PCCA: variants seen among roughly 807,000 people sequenced by gnomAD.
PCCA encodes propionyl-CoA carboxylase subunit alpha.
PCCA carries 74 observed loss-of-function variants against 101.3 expected under a neutral mutation model. The ratio of observed to expected loss-of-function variants is 0.73; its 90% CI spans 0.61 to 0.89. The LOEUF (loss-of-function observed/expected upper bound fraction) is 0.89, where lower values mean the gene tolerates loss of function less well. Ranked by LOEUF, PCCA falls within the 40% of genes least tolerant of loss-of-function variation. The probability of loss-of-function intolerance (pLI) is 0.00; values close to 1 mark genes in which losing one functional copy is unlikely to be tolerated. For missense variants in PCCA, 891 were observed against 907.0 expected (o/e 0.98, Z 0.23); for synonymous variants, 294 against 313.6 (o/e 0.94, Z 0.66).
intron 18 of PCCA, among the ~76,000 whole-genome samples, chr13:100,356,975 A>C (rs1392328111): frequency 4.6e-5 from 7 of 152,228 alleles, no homozygotes; most frequent in African/African-American, 1.4e-4. Context: ...AAAGTAGATC[A>C]CAAATTTTCC....
At position 100,089,184 on chromosome 13, in the gene PCCA, C is replaced by T. The variant is rs1406102005; in HGVS notation, c.64C>T (p.Pro22Ser). The T allele has an allele frequency of 7.8e-6, 12 of 1,529,934 alleles. 1 individual carries two copies. Among genetic ancestry groups the T allele is most frequent in the Non-Finnish European group, 1.1e-5 (12 of 1,140,616 alleles). 94.8% of individuals were successfully genotyped at this position (1,529,934 alleles called of 1,614,324 possible). A position where few individuals can be genotyped will look rare whatever the true frequency, so the allele number is the denominator to read the frequency against. Reference protein sequence around the residue: ...VAAGRRGRWPPQQLMLSAALR... With the variant: ...VAAGRRGRWPSQQLMLSAALR... ...TGCCGGACGGCGTGGGCGGTGGCCG[C>T]CGCAGCAGCTGATGCTGAGCGCGGC... Residue 22 changes from proline to serine, a missense_variant, in exon 1 of 24, where the codon CCG becomes TCG. By Grantham distance (74) the Pro-to-Ser change is moderately conservative. Coordinates refer to ENST00000376285, the MANE Select transcript of PCCA (RefSeq NM_000282.4).
rs375373744 is a variant in PCCA, at chr13:100,408,215, G to C, written c.1747-17418G>C. On this transcript the variant is annotated intron_variant, in intron 19 of 23. Coordinates refer to ENST00000376285, the MANE Select transcript of PCCA (RefSeq NM_000282.4). ...TAATTGTGTGCTAAGTGCTGCCAAG[G>C]TTTGCCTTCTTAATTAAGAGCATGG... 8.7e-4 allele frequency among the ~76,000 whole-genome samples: 132 copies of C among 152,260 alleles called. 4 individuals carry two copies. In the South Asian group the frequency reaches 0.025, roughly 28 times the overall value.
At chr13:100,160,351 A>G (rs568852015) in intron 6 of PCCA, among the ~76,000 whole-genome samples, 1 of 152,064 alleles carries the variant, frequency 6.6e-6, no homozygotes, top group South Asian at 2.1e-4. Context: ...AAAAACATAA[A>G]AATTGGCCAG....
chr13:100,474,446 C>G (rs1475694987), intron 21 of PCCA, among the ~76,000 whole-genome samples: 1 of 120,120 alleles, frequency 8.3e-6, no homozygotes, highest in South Asian at 3.2e-4. Flanking sequence ...CTGTTTCTCT[C>G]TCTCTCTCTC....
rs114490734 is a variant in PCCA, at chr13:100,337,617, G to A, written c.1541-2540G>A. On this transcript the variant is annotated intron_variant, in intron 17 of 23. Transcript: ENST00000376285. ...TCAGTAAAATGCTTGAAGTTGATGT[G>A]CATCATATCAGTTTGCCTGGGAGAT... is the stretch of plus-strand genomic sequence containing the variant. Among the ~76,000 whole-genome samples the A allele has an allele frequency of 1.0e-3, 153 of 152,300 alleles. 1 individual carries two copies. The highest frequency in any genetic ancestry group is 3.5e-3 in the African/African-American group (145 of 41,554).
chr13:100,327,133 A>G (rs569348831), intron 16 of PCCA, among the ~76,000 whole-genome samples: 1 of 152,138 alleles, frequency 6.6e-6, no homozygotes, highest in East Asian at 1.9e-4. Flanking sequence ...GTTTTGACAT[A>G]CGTATACACC....
chr13:100,309,970 C>T, intron 16 of PCCA, 62 bp downstream of exon 16: 2 of 1,193,626 alleles, frequency 1.7e-6, no homozygotes, highest in South Asian at 2.4e-5. Context: ...AGAGAACAGC[C>T]TGGGGGTTTA....
chr13:100,431,874 T>A (rs535655460), intron 20 of PCCA, among the ~76,000 whole-genome samples: 198 of 147,790 alleles, frequency 1.3e-3, no homozygotes, highest in Middle Eastern at 0.011. Flanking sequence ...TCAAAAAAAA[T>A]AATAATAATA....
At position 100,209,437 on chromosome 13, in the gene PCCA, A is replaced by G. The variant is rs776429023; in HGVS notation, c.574A>G (p.Ile192Val). Residue 192 changes from isoleucine (I) to valine (V), a missense_variant, in exon 7 of 24, where the codon ATC becomes GTC. Physicochemically the swap from Ile to Val is conservative, Grantham distance 29. Transcript: ENST00000376285. ...AGCTAAGAAAGCAGAGGTTAATACA[A>G]TCCCTGGCTTTGATGGAGTAGTCAA... ...LLAKKAEVNT[I>V]PGFDGVVKDA... The G allele has an allele frequency of 4.3e-6, 7 of 1,613,444 alleles. No homozygotes were observed. In the East Asian group the frequency reaches 6.7e-5, roughly 15 times the overall value.
Position 100,381,865 on chromosome 13 carries a change from G to A in PCCA, c.1746+13291G>A, listed in dbSNP as rs369070370. Among the ~76,000 whole-genome samples, 167 of 152,342 alleles carry A rather than the reference G, an allele frequency of 1.1e-3. 6 individuals are homozygous for A. The South Asian group carries it at 0.031, about 29-fold the overall frequency. Reference sequence around the variant, plus strand: ...ACACCTCGTAGGAGGGAGTGCACAGGTGAGTGGGTGCAGGAACCAGAGCAA... The same window carrying A: ...ACACCTCGTAGGAGGGAGTGCACAGATGAGTGGGTGCAGGAACCAGAGCAA... On this transcript the variant is annotated intron_variant, in intron 19 of 23. Transcript: ENST00000376285.
intron 6 of PCCA, among the ~76,000 whole-genome samples, chr13:100,201,623 C>G (rs950790515): frequency 6.6e-6 from 1 of 151,964 alleles, no homozygotes; most frequent in East Asian, 1.9e-4. Flanking sequence ...TTTTGAGAGG[C>G]TGAGGTGGGC....
chr13:100,416,418 G>A (rs1281871926), intron 19 of PCCA, among the ~76,000 whole-genome samples: 2 of 151,828 alleles, frequency 1.3e-5, no homozygotes, highest in African/African-American at 4.8e-5. Context: ...TTGACCTCAA[G>A]TACTCCGCCC....
At chr13:100,134,586 T>G (rs1477567067) in intron 4 of PCCA, among the ~76,000 whole-genome samples, 3 of 152,216 alleles carry the variant, frequency 2.0e-5, no homozygotes, top group Non-Finnish European at 4.4e-5. Flanking sequence ...AGACAGGGTC[T>G]TGCTCTGTTG....
At chr13:100,297,164 C>T (rs1454595578) in intron 12 of PCCA, among the ~76,000 whole-genome samples, 8 of 152,184 alleles carry the variant, frequency 5.3e-5, no homozygotes, top group Non-Finnish European at 8.8e-5. Context: ...CTCTTTATCC[C>T]ATTATTGGTG....
intron 18 of PCCA, among the ~76,000 whole-genome samples, chr13:100,348,793 TTC>T (rs758548452): frequency 0.016 from 1,022 of 62,910 alleles, 7 homozygotes; most frequent in Non-Finnish European, 0.021. Flanking sequence ...TCTTTCTTCC[TTC>T]CTTCCTTCCT....
At chr13:100,121,160 T>G (rs935287658) in intron 4 of PCCA, among the ~76,000 whole-genome samples, 2 of 104,966 alleles carry the variant, frequency 1.9e-5, no homozygotes, top group East Asian at 3.9e-4. Flanking sequence ...TAGGTTTTTT[T>G]TTTTTTTTTT....
intron 11 of PCCA, among the ~76,000 whole-genome samples, chr13:100,269,451 C>T (rs557576868): frequency 6.6e-6 from 1 of 152,200 alleles, no homozygotes; most frequent in African/African-American, 2.4e-5. Flanking sequence ...AAAGTTGGTC[C>T]TGAATTTATC....
intron 6 of PCCA, among the ~76,000 whole-genome samples, chr13:100,167,146 G>A (rs1287159304): frequency 6.6e-5 from 10 of 152,116 alleles, no homozygotes; most frequent in Admixed American, 6.5e-4. Context: ...CCATGATGTG[G>A]TTCTGTTTTC....
chr13:100,261,469 G>A (rs1004385248), intron 9 of PCCA, among the ~76,000 whole-genome samples: 1 of 151,640 alleles, frequency 6.6e-6, no homozygotes, highest in African/African-American at 2.4e-5. Context: ...AGGTTCAAGC[G>A]GTTCTCCTGC....
Sources: gnomAD v4.1 joint callset for allele counts (sites outside exome capture counted in the v4.1 genomes callset) on GRCh38, gnomAD v4.1.1 for gene constraint, MANE v1.5 for transcripts, NCBI Gene and HGNC (gene_info 2026-07-23, HGNC 2026-07-21) for gene names.